The following CALN1 variants were observed in gnomAD, a reference collection of about 807,000 sequenced individuals.
CALN1 encodes the protein calcium-binding protein 8.
In CALN1, 17 loss-of-function variants were observed where a neutral mutation model predicts 30.6. The ratio of observed to expected loss-of-function variants is 0.56; its 90% confidence interval spans 0.38 to 0.83. The LOEUF (loss-of-function observed/expected upper bound fraction) is 0.83, where lower values mean the gene tolerates loss of function less well. Among genes scored for constraint, CALN1 ranks in the 40% least tolerant of loss-of-function variants. The pLI is 0.00. For synonymous variants in CALN1, 156 were observed against 131.4 expected (o/e 1.19, Z -1.28); for missense variants, 291 against 354.9 (o/e 0.82, Z 1.45).
At chr7:72,214,803 C>G (rs529040) in intron 3 of CALN1, among the ~76,000 whole-genome samples, 6,364 of 151,988 alleles carry the variant, frequency 0.042, 436 homozygotes, top group African/African-American at 0.14. Context: ...TGTCAAATCA[C>G]TGCAGCATTA....
intron 2 of CALN1, among the ~76,000 whole-genome samples, chr7:72,330,923 C>A (rs1047758438): frequency 9.2e-5 from 14 of 152,176 alleles, no homozygotes; most frequent in African/African-American, 1.4e-4. Context: ...ACCAGAAACC[C>A]AACAGTGACA....
At chr7:72,431,484 A>G (rs1288992117) in intron 1 of CALN1, among the ~76,000 whole-genome samples, 1 of 152,166 alleles carries the variant, frequency 6.6e-6, no homozygotes, top group Non-Finnish European at 1.5e-5. Context: ...CACTCCGTGG[A>G]ATCACTTGCC....
chr7:72,214,372 C>CT (rs1792620088), intron 3 of CALN1, among the ~76,000 whole-genome samples: 3 of 151,916 alleles, frequency 2.0e-5, no homozygotes, highest in Admixed American at 2.0e-4. Context: ...CCTAGCTACT[C>CT]AGGAGGCTGA....
intron 3 of CALN1, among the ~76,000 whole-genome samples, chr7:72,245,044 T>C (rs1795068958): frequency 6.6e-6 from 1 of 152,168 alleles, no homozygotes. Flanking sequence ...AGCATCCTCA[T>C]CACCTTGCTC....
intron 5 of CALN1, among the ~76,000 whole-genome samples, chr7:71,922,415 C>A (rs1468967853): frequency 1.3e-5 from 2 of 149,100 alleles, no homozygotes; most frequent in African/African-American, 4.9e-5. Flanking sequence ...AATTTAAAGT[C>A]CCCTTCATTT....
chr7:72,337,232 AC>A (rs1224352430), intron 2 of CALN1: 1 of 984,784 alleles, frequency 1.0e-6, no homozygotes, highest in Non-Finnish European at 1.2e-6. Context: ...CGACAGCACC[AC>A]ACTCCTCGCT....
chr7:72,083,779 C>T (rs535189783), intron 4 of CALN1, among the ~76,000 whole-genome samples: 1 of 151,964 alleles, frequency 6.6e-6, no homozygotes, highest in Non-Finnish European at 1.5e-5. Context: ...ATTAGCTGGG[C>T]ATGGTGGCAT....
chr7:71,942,795 AAACCT>A (rs1398131927), intron 5 of CALN1, among the ~76,000 whole-genome samples: 2 of 152,148 alleles, frequency 1.3e-5, no homozygotes, highest in Admixed American at 6.5e-5. Context: ...ATCACTAAGG[AAACCT>A]AAAGCCGGGA....
chr7:72,463,943 A>C, the CALN1 span, among the ~76,000 whole-genome samples: 1 of 137,356 alleles, frequency 7.3e-6, no homozygotes, highest in Non-Finnish European at 1.6e-5. Context: ...CCTAAACAAC[A>C]AAGTGAGAGA....
intron 1 of CALN1, among the ~76,000 whole-genome samples, chr7:72,431,845 C>CAA (rs1168420802): frequency 1.4e-3 from 140 of 100,754 alleles, no homozygotes; most frequent in Non-Finnish European, 1.6e-3. Flanking sequence ...ACCTCATCTC[C>CAA]AAAAAAAAAA....
At chr7:72,057,924 G>C (rs1377341339) in intron 4 of CALN1, among the ~76,000 whole-genome samples, 1 of 152,168 alleles carries the variant, frequency 6.6e-6, no homozygotes, top group African/African-American at 2.4e-5. Context: ...AATGGTTCTG[G>C]CAAGCGAATA....
intron 4 of CALN1, among the ~76,000 whole-genome samples, chr7:72,089,576 T>C (rs984935242): frequency 2.0e-5 from 3 of 152,124 alleles, no homozygotes; most frequent in Non-Finnish European, 2.9e-5. Context: ...GGGCATCGTG[T>C]ACCGTATTCC....
At chr7:72,101,636 A>G (rs1806675293) in intron 4 of CALN1, among the ~76,000 whole-genome samples, 1 of 152,200 alleles carries the variant, frequency 6.6e-6, no homozygotes, top group African/African-American at 2.4e-5. Flanking sequence ...TCCATTCACC[A>G]TATGGTCACC....
intron 3 of CALN1, among the ~76,000 whole-genome samples, chr7:72,228,094 T>C (rs1387627617): frequency 6.6e-6 from 1 of 152,056 alleles, no homozygotes. Context: ...CCTATCAATG[T>C]AGCTCTTCTT....
At chr7:72,078,871 G>A (rs1804928911) in intron 4 of CALN1, among the ~76,000 whole-genome samples, 1 of 152,200 alleles carries the variant, frequency 6.6e-6, no homozygotes, top group South Asian at 2.1e-4. Context: ...GGGAGATGGA[G>A]GTTGCCGTGA....
intron 5 of CALN1, among the ~76,000 whole-genome samples, chr7:71,828,035 C>A: frequency 6.6e-6 from 1 of 152,044 alleles, no homozygotes; most frequent in Non-Finnish European, 1.5e-5. Context: ...ACCAGATAAA[C>A]GTTTCTCCTT....
intron 2 of CALN1, among the ~76,000 whole-genome samples, chr7:72,371,776 T>C (rs1804256550): frequency 6.6e-6 from 1 of 152,094 alleles, no homozygotes; most frequent in Non-Finnish European, 1.5e-5. Context: ...CTCCACTGAA[T>C]TGCCTTTGCA....
chr7:72,465,525 C>T, the CALN1 span, among the ~76,000 whole-genome samples: 1 of 152,136 alleles, frequency 6.6e-6, no homozygotes, highest in Non-Finnish European at 1.5e-5. Context: ...CAAACCCACC[C>T]CTGACTGCTG....
intron 3 of CALN1, among the ~76,000 whole-genome samples, chr7:72,228,436 G>A (rs777850424): frequency 1.3e-5 from 2 of 151,850 alleles, no homozygotes; most frequent in Non-Finnish European, 2.9e-5. Context: ...TCACAGTGAT[G>A]TGTGCACAGC....
Sources: gnomAD v4.1 joint callset for allele counts (sites outside exome capture counted in the v4.1 genomes callset) on GRCh38, gnomAD v4.1.1 for gene constraint, MANE v1.5 for transcripts, NCBI Gene and HGNC (gene_info 2026-07-23, HGNC 2026-07-21) for gene names.